TNRC6A: variants seen among roughly 807,000 people sequenced by gnomAD.
TNRC6A encodes trinucleotide repeat-containing gene 6A protein.
In TNRC6A, 44 loss-of-function variants were observed where a neutral mutation model predicts 221.2. That is an observed-to-expected ratio of 0.20 (90% CI 0.16 to 0.26). The LOEUF (loss-of-function observed/expected upper bound fraction) is 0.26. TNRC6A is among the 10% of genes least tolerant of loss of function. The pLI is 1.00. For synonymous variants in TNRC6A, 847 were observed against 838.5 expected (o/e 1.01, Z -0.18); for missense variants, 2,199 against 2,404.4 (o/e 0.91, Z 1.79).
intron 2 of TNRC6A, among the ~76,000 whole-genome samples, chr16:24,706,691 CAAA>C (rs372757286): frequency 4.7e-5 from 4 of 85,500 alleles, no homozygotes; most frequent in Admixed American, 1.3e-4. Flanking sequence ...GACTCTGTCT[CAAA>C]AAAAAAAAAA....
chr16:24,823,858 G>T lies in TNRC6A; in HGVS notation c.*51G>T. ...GGGACCTCAGACGCGAGGGAAAGGA[G>T]CACTAAGTGGGGCTCGCCGCCTGCA... is the stretch of plus-strand genomic sequence containing the variant. On this transcript the variant is annotated 3_prime_UTR_variant, in exon 25 of 25. Transcript: ENST00000395799. The surrounding 1 kb of genome is among the most constrained non-coding windows in gnomAD (Gnocchi z 4.3). 4 of 1,368,796 alleles carry T rather than the reference G, an allele frequency of 2.9e-6. No homozygotes were observed. Among genetic ancestry groups the T allele is most frequent in the Non-Finnish European group, 3.8e-6 (4 of 1,056,640 alleles). 84.8% of individuals were successfully genotyped at this position (1,368,796 alleles called of 1,614,324 possible).
intron 5 of TNRC6A, chr16:24,778,177 C>CCCCCATATCCCAGTGT: frequency 7.1e-6 from 3 of 421,090 alleles, no homozygotes; most frequent in Non-Finnish European, 9.5e-6. Flanking sequence ...CATCCCGGTG[C>CCCCCATATCCCAGTGT]CCCCATATCC....
intron 4 of TNRC6A, among the ~76,000 whole-genome samples, chr16:24,764,473 C>T (rs1270139853): frequency 6.6e-6 from 1 of 151,820 alleles, no homozygotes; most frequent in Non-Finnish European, 1.5e-5. Flanking sequence ...ATTACAGGCG[C>T]GTACCACCAC....
At chr16:24,779,430 A>G (rs1256644377) in intron 5 of TNRC6A, among the ~76,000 whole-genome samples, 2 of 152,228 alleles carry the variant, frequency 1.3e-5, no homozygotes, top group Non-Finnish European at 2.9e-5. Flanking sequence ...ACATATTTAC[A>G]TTAAAACATC....
chr16:24,621,072 A>T (rs1230554103), intron 1 of TNRC6A, among the ~76,000 whole-genome samples: 2 of 141,158 alleles, frequency 1.4e-5, no homozygotes, highest in Non-Finnish European at 3.1e-5. Flanking sequence ...TGACAGAGCA[A>T]GACGCCGTCT....
Position 24,793,667 on chromosome 16 carries a change from C to A in TNRC6A, c.3352+18C>A, listed in dbSNP as rs577851797. ...CAAATCTGGTAAGTTATTGACAATG[C>A]CTGGTAGCTGTTATGTAGCAGTGGC... On this transcript the variant is annotated intron_variant, in intron 7 of 24. Coordinates refer to ENST00000395799, the MANE Select transcript of TNRC6A (RefSeq NM_014494.4). 2.8e-6 allele frequency: 4 copies of A among 1,404,302 alleles called. No individual in the cohort carries two copies. Among genetic ancestry groups the A allele is most frequent in the African/African-American group, 2.9e-5 (2 of 68,998 alleles). The allele number at this position is 1,404,302 out of a possible 1,614,324, so 87.0% of individuals were successfully genotyped here.
chr16:24,671,042 C>T (rs967278416), intron 2 of TNRC6A: 6 of 384,742 alleles, frequency 1.6e-5, no homozygotes, highest in African/African-American at 1.0e-4. Context: ...CTCCTTTCCC[C>T]AGCAACCCTC....
At chr16:24,633,159 C>G (rs1901438269) in intron 1 of TNRC6A, among the ~76,000 whole-genome samples, 1 of 152,154 alleles carries the variant, frequency 6.6e-6, no homozygotes, top group Admixed American at 6.6e-5. Context: ...CAAGCTTGCT[C>G]TGGCCTCAGA....
intron 2 of TNRC6A, among the ~76,000 whole-genome samples, chr16:24,712,245 TC>T (rs2056219277): frequency 6.6e-6 from 1 of 152,162 alleles, no homozygotes. Flanking sequence ...CCTCAAGCGA[TC>T]CTCCTGCCTT....
At chr16:24,717,770 C>CTTTTTTTTTTTT (rs71383705) in intron 2 of TNRC6A, among the ~76,000 whole-genome samples, 9 of 107,378 alleles carry the variant, frequency 8.4e-5, no homozygotes, top group East Asian at 2.4e-4. Flanking sequence ...TTTTTTTTTT[C>CTTTTTTTTTTTT]TTTTTTTTTT....
At chr16:24,693,166 C>T (rs1422813487) in intron 2 of TNRC6A, among the ~76,000 whole-genome samples, 2 of 152,032 alleles carry the variant, frequency 1.3e-5, no homozygotes, top group African/African-American at 4.8e-5. Context: ...TGTGTTCTCT[C>T]ACGAGAAGAG....
intron 23 of TNRC6A, among the ~76,000 whole-genome samples, chr16:24,822,576 G>T (rs2058787665): frequency 6.6e-6 from 1 of 152,182 alleles, no homozygotes; most frequent in Admixed American, 6.5e-5. Context: ...CTCCCTCAGG[G>T]AGCAGAACCT....
chr16:24,757,959 T>C (rs1447832413), intron 3 of TNRC6A, among the ~76,000 whole-genome samples: 1 of 152,210 alleles, frequency 6.6e-6, no homozygotes, highest in Non-Finnish European at 1.5e-5. Flanking sequence ...TTTGAAGCCA[T>C]TTAAACATGC....
intron 2 of TNRC6A, among the ~76,000 whole-genome samples, chr16:24,746,033 A>G (rs1472409412): frequency 6.6e-6 from 1 of 151,914 alleles, no homozygotes; most frequent in African/African-American, 2.4e-5. Context: ...ACAAGTCTCC[A>G]TACTTCGCTT....
intron 4 of TNRC6A, among the ~76,000 whole-genome samples, chr16:24,773,380 A>G (rs117207832): frequency 6.6e-6 from 1 of 152,190 alleles, no homozygotes; most frequent in East Asian, 1.9e-4. Flanking sequence ...AATTTGTGTT[A>G]TGCAGTTGAA....
chr16:24,628,293 G>A (rs12708662), intron 1 of TNRC6A, among the ~76,000 whole-genome samples: 65,651 of 151,450 alleles, frequency 0.43, 14,787 homozygotes, highest in East Asian at 0.62. Context: ...GGTGGTGGGC[G>A]CCTGTAATCC....
In TNRC6A at chr16:24,645,276, C is replaced by G. The variant is rs9936375; in HGVS notation, n.402+4267C>G. ...ATCCCAGCACTTTAGGAGGCTGAGG[C>G]GGATGGATCATTTGAGGTCAGGAGT... On this transcript the variant is annotated intron_variant and non_coding_transcript_variant, in intron 2 of 2. Transcript: ENST00000566108. Among the ~76,000 whole-genome samples the G allele has an allele frequency of 2.6e-5, 4 of 151,888 alleles. 1 individual carries two copies. In the South Asian group the frequency reaches 8.3e-4, roughly 32 times the overall value.
Position 24,729,682 on chromosome 16 carries a change from T to TGTCGGCGGCGGCGGCGGCGGCGGC in TNRC6A, c.-158_-135dup, listed in dbSNP as rs1567395201. 1.5e-6 allele frequency: 1 copy of TGTCGGCGGCGGCGGCGGCGGCGGC among 677,612 alleles called. No homozygotes were observed. The highest frequency in any genetic ancestry group is 2.0e-6 in the Non-Finnish European group (1 of 501,572). 42.0% of individuals were successfully genotyped at this position (677,612 alleles called of 1,614,324 possible). A position where few individuals can be genotyped will look rare whatever the true frequency, so the allele number is the denominator to read the frequency against. On this transcript the variant is annotated 5_prime_UTR_variant, in exon 1 of 25. Transcript: ENST00000395799. ...GGTCTGGGGCCTGCGGCGGCGGCGG[T>TGTCGGCGGCGGCGGCGGCGGCGGC]GTCGGCGGCGGCGGCGGCGGCGGCG...
chr16:24,742,648 G>A (rs149576808), intron 2 of TNRC6A, among the ~76,000 whole-genome samples: 12 of 152,170 alleles, frequency 7.9e-5, no homozygotes, highest in Non-Finnish European at 8.8e-5. Context: ...ATGTCTGGGC[G>A]CAGTGGCTCA....
Sources: gnomAD v4.1 joint callset for allele counts (sites outside exome capture counted in the v4.1 genomes callset) on GRCh38, gnomAD v4.1.1 for gene constraint, Gnocchi (gnomAD v3.1) non-coding constraint, MANE v1.5 for transcripts, NCBI Gene and HGNC (gene_info 2026-07-23, HGNC 2026-07-21) for gene names.